The following SUPT3H variants were observed in gnomAD, a reference collection of about 807,000 sequenced individuals.
The protein encoded by SUPT3H is transcription initiation protein SPT3 homolog.
A neutral mutation model predicts 44.3 loss-of-function variants in SUPT3H; 44 were observed. The observed-to-expected ratio is 0.99, with a 90% CI of 0.78 to 1.28. SUPT3H has a LOEUF of 1.28. Among genes scored for constraint, SUPT3H ranks in the 50% most tolerant of loss-of-function variants. The pLI is 0.00. For missense variants in SUPT3H, 380 were observed against 387.1 expected (o/e 0.98, Z 0.15); for synonymous variants, 124 against 125.6 (o/e 0.99, Z 0.09).
intron 2 of SUPT3H, among the ~76,000 whole-genome samples, chr6:45,231,900 T>C (rs1768132297): frequency 6.6e-6 from 1 of 152,206 alleles, no homozygotes; most frequent in Non-Finnish European, 1.5e-5. Flanking sequence ...ATTTTGTATT[T>C]CATAAAAGGA....
chr6:45,265,421 G>C (rs1026424082), intron 2 of SUPT3H, among the ~76,000 whole-genome samples: 5 of 152,108 alleles, frequency 3.3e-5, no homozygotes, highest in Admixed American at 3.3e-4. Flanking sequence ...AATTGTTTTG[G>C]CTAATGATAT....
intron 9 of SUPT3H, 38 bp downstream of exon 9, chr6:44,953,272 T>G: frequency 6.5e-7 from 1 of 1,526,826 alleles, no homozygotes; most frequent in Non-Finnish European, 9.1e-7. Flanking sequence ...TGTGTCAAAA[T>G]TCACAAATGT....
chr6:44,928,909 A>AAAAAAAAAAAAAAAAAAG (rs1491361687), intron 10 of SUPT3H, among the ~76,000 whole-genome samples: 2 of 139,076 alleles, frequency 1.4e-5, no homozygotes, highest in African/African-American at 5.4e-5. Flanking sequence ...AAAAAAGAAA[A>AAAAAAAAAAAAAAAAAAG]GAAAAGAAAC....
At chr6:44,845,752 G>A (rs1252899456) in intron 10 of SUPT3H, among the ~76,000 whole-genome samples, 1 of 152,198 alleles carries the variant, frequency 6.6e-6, no homozygotes, top group African/African-American at 2.4e-5. Flanking sequence ...CATGAGCCCA[G>A]GCCACTGAGC....
At chr6:45,342,855 C>T (rs944115238) in intron 2 of SUPT3H, among the ~76,000 whole-genome samples, 1 of 152,050 alleles carries the variant, frequency 6.6e-6, no homozygotes, top group African/African-American at 2.4e-5. Context: ...CCTCCAATTA[C>T]AAGATATTTG....
chr6:45,017,392 T>A (rs1379006925), intron 4 of SUPT3H, among the ~76,000 whole-genome samples: 12 of 151,320 alleles, frequency 7.9e-5, no homozygotes, highest in African/African-American at 2.9e-4. Context: ...GCCATTGCTT[T>A]TGGTGTTTTA....
At chr6:45,040,640 A>G (rs986883678) in intron 3 of SUPT3H, among the ~76,000 whole-genome samples, 1 of 152,216 alleles carries the variant, frequency 6.6e-6, no homozygotes, top group Non-Finnish European at 1.5e-5. Context: ...ACTCTTGAAC[A>G]ACACATTAAA....
intron 2 of SUPT3H, among the ~76,000 whole-genome samples, chr6:45,269,998 T>G (rs951072710): frequency 1.1e-4 from 17 of 152,184 alleles, no homozygotes; most frequent in African/African-American, 3.9e-4. Context: ...TCTATAGATT[T>G]GCCTATTCTA....
intron 2 of SUPT3H, among the ~76,000 whole-genome samples, chr6:45,299,191 C>CAA (rs55660746): frequency 1.6e-4 from 23 of 146,172 alleles, no homozygotes; most frequent in Non-Finnish European, 2.1e-4. Flanking sequence ...ACTGAAAGTA[C>CAA]AAAAAAAAAA....
Position 45,295,548 on chromosome 6 carries a change from A to AAAAAAAC in SUPT3H, c.101+69646_101+69652dup, listed in dbSNP as rs1554330143. 1.0e-4 allele frequency among the ~76,000 whole-genome samples: 9 copies of AAAAAAAC among 90,244 alleles called. 1 individual carries two copies. The highest frequency in any genetic ancestry group is 3.2e-4 in the East Asian group (1 of 3,160). The allele number at this position is 90,244 out of a possible 152,430, so 59.2% of individuals were successfully genotyped here. Reference sequence around the variant, plus strand: ...GCAAAAAAAAAAAAAAAAAAAAAAAAAAAAAACAGCAGAGTCAACAGACAA... The same window carrying AAAAAAAC: ...GCAAAAAAAAAAAAAAAAAAAAAAAAAAAAAACAAAAAACAGCAGAGTCAACAGACAA... On this transcript the variant is annotated intron_variant, in intron 2 of 10. Transcript: ENST00000371459.
chr6:45,135,681 C>G (rs1045934745), intron 2 of SUPT3H, among the ~76,000 whole-genome samples: 3 of 152,194 alleles, frequency 2.0e-5, no homozygotes, highest in African/African-American at 7.2e-5. Context: ...GCCCATTCCA[C>G]CATGTGAGGT....
intron 2 of SUPT3H, among the ~76,000 whole-genome samples, chr6:45,181,178 A>G (rs1188458220): frequency 1.7e-5 from 2 of 118,894 alleles, no homozygotes; most frequent in Non-Finnish European, 3.5e-5. Flanking sequence ...ACCATCTCAC[A>G]CCAGTTAGAA....
chr6:45,083,487 G>A (rs981396406), intron 3 of SUPT3H, among the ~76,000 whole-genome samples: 1 of 151,946 alleles, frequency 6.6e-6, no homozygotes, highest in Non-Finnish European at 1.5e-5. Flanking sequence ...ACTGTGCCCG[G>A]CCAAGAATCA....
chr6:44,969,609 A>G (rs1269388461), intron 6 of SUPT3H, among the ~76,000 whole-genome samples: 2 of 152,224 alleles, frequency 1.3e-5, no homozygotes, highest in Admixed American at 6.5e-5. Flanking sequence ...AAAAAAATCA[A>G]AAAACAAAAA....
downstream of SUPT3H, among the ~76,000 whole-genome samples, chr6:44,821,826 A>G (rs553610470): frequency 6.6e-6 from 1 of 152,342 alleles, no homozygotes; most frequent in South Asian, 2.1e-4. Flanking sequence ...TCACCATTGG[A>G]GAACGAGGAG....
intron 7 of SUPT3H, among the ~76,000 whole-genome samples, chr6:44,956,740 C>T (rs1486402464): frequency 6.6e-6 from 1 of 152,110 alleles, no homozygotes; most frequent in East Asian, 1.9e-4. Flanking sequence ...ACTCCTACTC[C>T]TTTCCTTCCA....
At chr6:45,186,736 T>TA (rs1460924536) in intron 2 of SUPT3H, among the ~76,000 whole-genome samples, 1 of 152,184 alleles carries the variant, frequency 6.6e-6, no homozygotes, top group Non-Finnish European at 1.5e-5. Flanking sequence ...ACCCAGGTCA[T>TA]AAAATCTAAA....
chr6:44,892,591 A>C (rs986358673), intron 10 of SUPT3H, among the ~76,000 whole-genome samples: 1 of 152,224 alleles, frequency 6.6e-6, no homozygotes, highest in African/African-American at 2.4e-5. Flanking sequence ...TGCAATTAAT[A>C]CACAGGGAAA....
chr6:45,021,128 G>A (rs937163239), intron 3 of SUPT3H, among the ~76,000 whole-genome samples: 9 of 151,974 alleles, frequency 5.9e-5, no homozygotes, highest in African/African-American at 2.2e-4. Context: ...GTTTTGGCAA[G>A]TCTTCAGTGG....
Sources: gnomAD v4.1 joint callset for allele counts (sites outside exome capture counted in the v4.1 genomes callset) on GRCh38, gnomAD v4.1.1 for gene constraint, MANE v1.5 for transcripts, NCBI Gene and HGNC (gene_info 2026-07-23, HGNC 2026-07-21) for gene names.